The following PLCE1 variants were observed in gnomAD, a reference collection of about 807,000 sequenced individuals.
The protein encoded by PLCE1 is 1-phosphatidylinositol 4,5-bisphosphate phosphodiesterase epsilon-1.
A neutral mutation model predicts 242.8 loss-of-function variants in PLCE1; 119 were observed. The ratio of observed to expected loss-of-function variants is 0.49; its 90% CI spans 0.42 to 0.57. The LOEUF is 0.57. PLCE1 is among the 20% of genes least tolerant of loss of function. The pLI is 0.00. For synonymous variants in PLCE1, 945 were observed against 1,017.4 expected, an observed-to-expected ratio of 0.93 and a Z score of 1.35; for missense variants, 2,441 against 2,788.8, an observed-to-expected ratio of 0.88 and a Z score of 2.81.
At chr10:94,113,084 G>A (rs1020016018) in intron 2 of PLCE1, among the ~76,000 whole-genome samples, 6 of 152,168 alleles carry the variant, frequency 3.9e-5, no homozygotes, top group African/African-American at 1.4e-4. Flanking sequence ...TAGATTAGTG[G>A]TGGTTGCTTA....
At chr10:94,112,867 G>A (rs2045998061) in intron 2 of PLCE1, among the ~76,000 whole-genome samples, 1 of 152,118 alleles carries the variant, frequency 6.6e-6, no homozygotes, top group South Asian at 2.1e-4. Context: ...AAGATGAAAT[G>A]TGAAAAAAAT....
At chr10:94,039,531 G>T (rs11187773) in intron 2 of PLCE1, among the ~76,000 whole-genome samples, 1 of 151,564 alleles carries the variant, frequency 6.6e-6, no homozygotes, top group African/African-American at 2.4e-5. Flanking sequence ...GATTACAGGT[G>T]CGTGCCACTA....
chr10:94,073,615 T>C (rs1194436961), intron 2 of PLCE1, among the ~76,000 whole-genome samples: 2 of 152,184 alleles, frequency 1.3e-5, no homozygotes, highest in African/African-American at 4.8e-5. Context: ...CCTTCCACTT[T>C]AGGGTTTTAA....
At chr10:94,086,934 C>T (rs2135308774) in intron 2 of PLCE1, among the ~76,000 whole-genome samples, 1 of 152,270 alleles carries the variant, frequency 6.6e-6, no homozygotes, top group African/African-American at 2.4e-5. Flanking sequence ...TCACATAGTG[C>T]CCTAAGCACA....
chr10:94,217,585 A>G (rs984085727), intron 4 of PLCE1, among the ~76,000 whole-genome samples: 16 of 152,222 alleles, frequency 1.1e-4, no homozygotes, highest in South Asian at 4.1e-4. Context: ...TCAATTAACT[A>G]TGGTGAGAGA....
chr10:94,110,227 T>C (rs1445521271), intron 2 of PLCE1, among the ~76,000 whole-genome samples: 2 of 151,758 alleles, frequency 1.3e-5, no homozygotes, highest in Non-Finnish European at 2.9e-5. Context: ...CACGCCCAGC[T>C]AATTTTTTGT....
chr10:94,091,441 C>T (rs1256832558), intron 2 of PLCE1, among the ~76,000 whole-genome samples: 1 of 152,128 alleles, frequency 6.6e-6, no homozygotes, highest in Non-Finnish European at 1.5e-5. Context: ...TACAACACAG[C>T]TTCTGAGGCT....
chr10:94,037,888 T>C (rs1405707328), intron 2 of PLCE1, among the ~76,000 whole-genome samples: 1 of 152,220 alleles, frequency 6.6e-6, no homozygotes, highest in Admixed American at 6.5e-5. Context: ...GCCACTGTTA[T>C]TCTCATAGTA....
At chr10:94,225,827 C>T (rs752832660) in intron 4 of PLCE1, among the ~76,000 whole-genome samples, 44 of 152,208 alleles carry the variant, frequency 2.9e-4, no homozygotes, top group Non-Finnish European at 4.1e-4. Flanking sequence ...GCCATTAATT[C>T]TTATCATTTT....
At chr10:94,242,423 G>A (rs2050538519) in intron 7 of PLCE1, among the ~76,000 whole-genome samples, 1 of 152,076 alleles carries the variant, frequency 6.6e-6, no homozygotes, top group Non-Finnish European at 1.5e-5. Flanking sequence ...CAATTCTTGT[G>A]ACTCAGCGTC....
chr10:94,227,419 C>G lies in PLCE1; in HGVS notation c.1923C>G (p.Tyr641Ter), dbSNP rs1223188527. 6.2e-7 allele frequency: 1 copy of G among 1,614,030 alleles called. No individual in the cohort carries two copies. The highest frequency in any genetic ancestry group is 8.5e-7 in the Non-Finnish European group (1 of 1,179,942). Residue 641 changes from tyrosine to a stop codon, truncating the protein, a stop_gained, in exon 5 of 33, where the codon TAC becomes TAG. Transcript: ENST00000371380. LOFTEE classifies it high-confidence loss of function. Reference sequence around the variant, plus strand: ...AATGCTGCTGGAACATGGGCAACTACAACGCTGTCATGGAGTTCTTGGCTG... The same window carrying G: ...AATGCTGCTGGAACATGGGCAACTAGAACGCTGTCATGGAGTTCTTGGCTG... ...VAKCCWNMGN[Y>*]NAVMEFLAGL...
chr10:94,011,966 A>G (rs1200212026), intron 1 of PLCE1, among the ~76,000 whole-genome samples: 1 of 151,992 alleles, frequency 6.6e-6, no homozygotes, highest in Admixed American at 6.5e-5. Flanking sequence ...CCTTCTGTTC[A>G]TTTCTGCTGC....
chr10:94,173,474 T>G (rs2048043163), intron 4 of PLCE1, among the ~76,000 whole-genome samples: 1 of 152,220 alleles, frequency 6.6e-6, no homozygotes, highest in Admixed American at 6.5e-5. Context: ...TTCACTGTAT[T>G]TCATGAATTA....
chr10:94,106,872 T>G (rs1240944737), intron 2 of PLCE1, among the ~76,000 whole-genome samples: 1 of 144,426 alleles, frequency 6.9e-6, no homozygotes, highest in East Asian at 2.1e-4. Flanking sequence ...TAATATCAAA[T>G]CCTCCTTGTT....
Position 94,032,222 on chromosome 10 carries a change from C to T in PLCE1, c.1176C>T (p.Ser392=), listed in dbSNP as rs773764197. Residue 392 remains serine (S), a synonymous_variant, in exon 2 of 33, where the codon AGC becomes AGT. Coordinates refer to ENST00000371380, the MANE Select transcript of PLCE1 (RefSeq NM_016341.4). ...PSTVEIRQDG[S]QRLSEAQWYP... is the part of the protein sequence containing the mutation. The stretch of plus-strand genomic sequence containing the variant: ...CAGTGGAGATAAGGCAAGATGGGAG[C>T]CAACGTCTGTCAGAAGCCCAGTGGT... 6.2e-7 allele frequency: 1 copy of T among 1,613,128 alleles called. No individual in the cohort carries two copies. Among genetic ancestry groups the T allele is most frequent in the African/African-American group, 1.3e-5 (1 of 74,938 alleles).
At chr10:94,035,563 T>C (rs900371682) in intron 2 of PLCE1, among the ~76,000 whole-genome samples, 1 of 152,192 alleles carries the variant, frequency 6.6e-6, no homozygotes, top group Non-Finnish European at 1.5e-5. Flanking sequence ...ATCCCCTTGG[T>C]CTGAGCAGGC....
chr10:94,283,508 C>T (rs2052324627), intron 20 of PLCE1: 2 of 348,536 alleles, frequency 5.7e-6, no homozygotes, highest in Non-Finnish European at 1.1e-5. Context: ...TTGGCATCTT[C>T]ATTTAGATTA....
intron 2 of PLCE1, among the ~76,000 whole-genome samples, chr10:94,109,469 A>G (rs1284504573): frequency 1.3e-5 from 2 of 152,098 alleles, no homozygotes; most frequent in South Asian, 2.1e-4. Flanking sequence ...TTCGCCATGC[A>G]TGGTGGCACG....
At chr10:94,238,365 A>G (rs1462553898) in intron 7 of PLCE1, among the ~76,000 whole-genome samples, 1 of 152,228 alleles carries the variant, frequency 6.6e-6, no homozygotes, top group Non-Finnish European at 1.5e-5. Context: ...ACTTCTGTAC[A>G]GATGAAGTTG....
Sources: gnomAD v4.1 joint callset for allele counts (sites outside exome capture counted in the v4.1 genomes callset) on GRCh38, gnomAD v4.1.1 for gene constraint, MANE v1.5 for transcripts, NCBI Gene and HGNC (gene_info 2026-07-23, HGNC 2026-07-21) for gene names.